IGDCC3: variants seen among roughly 807,000 people sequenced by gnomAD.
IGDCC3 encodes the protein putative neuronal cell adhesion molecule.
A neutral mutation model predicts 72.0 loss-of-function variants in IGDCC3; 47 were observed. The ratio of observed to expected loss-of-function variants is 0.65; its 90% CI spans 0.52 to 0.83. The LOEUF is 0.83. IGDCC3 is among the 40% of genes least tolerant of loss of function. IGDCC3 has a pLI of 0.00. For synonymous variants in IGDCC3, 477 were observed against 472.8 expected (o/e 1.01, Z -0.11); for missense variants, 1,038 against 1,091.3 (o/e 0.95, Z 0.69).
intron 2 of IGDCC3, among the ~76,000 whole-genome samples, chr15:65,337,887 G>C (rs2091045398): frequency 6.6e-6 from 1 of 152,206 alleles, no homozygotes; most frequent in African/African-American, 2.4e-5. Context: ...GGGACTAATG[G>C]CTCTGCTGAC....
At chr15:65,332,977 G>A (rs2090991503) in intron 6 of IGDCC3, among the ~76,000 whole-genome samples, 1 of 151,512 alleles carries the variant, frequency 6.6e-6, no homozygotes, top group African/African-American at 2.4e-5. Context: ...CAGCTGAGAT[G>A]AGAAAGTGGA....
intron 9 of IGDCC3, 139 bp downstream of exon 9, chr15:65,330,911 C>A: frequency 8.8e-7 from 1 of 1,139,808 alleles, no homozygotes; most frequent in East Asian, 2.5e-5. Context: ...GAAGCCCTTT[C>A]CTCCAAGTAG....
intron 2 of IGDCC3, among the ~76,000 whole-genome samples, chr15:65,346,947 C>G (rs1378083679): frequency 6.6e-6 from 1 of 152,154 alleles, no homozygotes; most frequent in African/African-American, 2.4e-5. Flanking sequence ...GGGTCAGGGG[C>G]TGGGAGATGA....
chr15:65,346,656 A>G (rs1055407497), intron 2 of IGDCC3, among the ~76,000 whole-genome samples: 3 of 152,198 alleles, frequency 2.0e-5, no homozygotes, highest in African/African-American at 7.2e-5. Context: ...ACAGGGTCTC[A>G]CCATGTTGGC....
intron 2 of IGDCC3, among the ~76,000 whole-genome samples, chr15:65,365,907 C>CA (rs967199365): frequency 7.9e-5 from 12 of 152,022 alleles, no homozygotes; most frequent in African/African-American, 2.9e-4. Context: ...CTCATCTCTA[C>CA]AAAAAATTTT....
chr15:65,345,592 A>C (rs1006454091), intron 2 of IGDCC3, among the ~76,000 whole-genome samples: 6 of 150,670 alleles, frequency 4.0e-5, no homozygotes, highest in Admixed American at 1.3e-4. Context: ...ACACACACGC[A>C]TGCACACACA....
At chr15:65,365,308 T>C (rs1039140734) in intron 2 of IGDCC3, among the ~76,000 whole-genome samples, 1 of 152,052 alleles carries the variant, frequency 6.6e-6, no homozygotes, top group Non-Finnish European at 1.5e-5. Flanking sequence ...GGTGGTCTGG[T>C]CTCCATCTTC....
chr15:65,377,697 G>C lies in IGDCC3; in HGVS notation c.92C>G (p.Ala31Gly), dbSNP rs757868496. ...LLPLLLLLLP[A>G]PSEGLGHSAE... ...GCGCTTTCACTCACCCTCGCTCGGC[G>C]CGGGCAGCAGCAGCAACAGCAGCGG... The change falls in exon 1 of 14, where the codon GCG becomes GGG. Residue 31 changes from alanine (A) to glycine (G), a missense_variant. Physicochemically the swap from Ala to Gly is moderately conservative, Grantham distance 60. Coordinates refer to ENST00000327987, the MANE Select transcript of IGDCC3 (RefSeq NM_004884.4). This position sits in a 1 kb window ranked among gnomAD's most constrained non-coding sequence, Gnocchi z 4.9. 4 of 1,417,056 alleles carry C rather than the reference G, an allele frequency of 2.8e-6. No individual in the cohort carries two copies. The highest frequency in any genetic ancestry group is 3.7e-6 in the Non-Finnish European group (4 of 1,089,314). 87.8% of individuals were successfully genotyped at this position (1,417,056 alleles called of 1,614,324 possible). A position where few individuals can be genotyped will look rare whatever the true frequency, so the allele number is the denominator to read the frequency against.
chr15:65,370,620 G>GTATGTATATATA, intron 2 of IGDCC3, among the ~76,000 whole-genome samples: 1 of 94,578 alleles, frequency 1.1e-5, no homozygotes, highest in East Asian at 2.9e-4. Context: ...ATATGTATGT[G>GTATGTATATATA]TATATATATA....
chr15:65,335,239 G>T (rs1177075155), intron 4 of IGDCC3, 52 bp downstream of exon 4: 2 of 1,564,332 alleles, frequency 1.3e-6, no homozygotes, highest in East Asian at 2.2e-5. Context: ...AGGGTAGGGA[G>T]GAGGAGGAGG....
rs768491748 is a variant in IGDCC3, at chr15:65,329,434, A to T, written c.2161T>A (p.Phe721Ile). 1 of 1,606,376 alleles carries T rather than the reference A, an allele frequency of 6.2e-7. No homozygotes were observed. The highest frequency in any genetic ancestry group is 1.3e-5 in the African/African-American group (1 of 74,424). Residue 721 changes from phenylalanine (F) to isoleucine (I), a missense_variant, in exon 13 of 14, where the codon TTC becomes ATC. Physicochemically the swap from Phe to Ile is conservative, Grantham distance 21. Coordinates refer to ENST00000327987, the MANE Select transcript of IGDCC3 (RefSeq NM_004884.4). This position sits in a 1 kb window ranked among gnomAD's most constrained non-coding sequence, Gnocchi z 4.1. The stretch of plus-strand genomic sequence containing the variant: ...TGCCCTGCTGCGCTGGCCGGGGGGA[A>T]CAGCTGCTCCAGCTCCTTCATATCC... ...RVDMKELEQL[F>I]PPASAAGQPD... is the part of the protein sequence containing the mutation.
In IGDCC3 at chr15:65,334,819, A is replaced by G. The variant is rs1264592299; in HGVS notation, c.732T>C (p.Pro244=). ...GGTGCACTGTCAGGGTGAGGTTCTC[A>G]GGCCCCACGAGGATGGCTGGCTCCT... ...AYKEPAILVG[P]ENLTLTVHQT... Residue 244 remains proline, a synonymous_variant, in exon 5 of 14, where the codon CCT becomes CCC. Transcript: ENST00000327987. 1.2e-6 allele frequency: 2 copies of G among 1,612,888 alleles called. No individual in the cohort carries two copies. The highest frequency in any genetic ancestry group is 2.7e-5 in the African/African-American group (2 of 74,996).
rs752788895 is a variant in IGDCC3, at chr15:65,329,687, A to G, written c.1997+39T>C. 1.9e-6 allele frequency: 3 copies of G among 1,613,360 alleles called. No individual in the cohort carries two copies. In the East Asian group the frequency reaches 6.7e-5, roughly 36 times the overall value. ...TCACCTTCTCTAGGCCTAGTCCCCC[A>G]CACACCAGCCCAGCCCCTCTCCCTG... is the stretch of plus-strand genomic sequence containing the variant. On this transcript the variant is annotated intron_variant, in intron 12 of 13. Coordinates refer to ENST00000327987, the MANE Select transcript of IGDCC3 (RefSeq NM_004884.4). The surrounding 1 kb of genome is among the most constrained non-coding windows in gnomAD (Gnocchi z 4.1).
rs114997653 is a variant in IGDCC3 at position 65,336,282 on chromosome 15, C to T, written c.410-326G>A. Among the ~76,000 whole-genome samples the T allele has an allele frequency of 2.8e-3, 423 of 152,266 alleles. 3 individuals are homozygous for T. The highest frequency in any genetic ancestry group is 9.6e-3 in the African/African-American group (401 of 41,556). On this transcript the variant is annotated intron_variant, in intron 2 of 13. Coordinates refer to ENST00000327987, the MANE Select transcript of IGDCC3 (RefSeq NM_004884.4). Reference sequence around the variant, plus strand: ...GGAGGCCTTGGTCCCCAAAACTGACCCATGAAGGCCAATCAGACAAAGCCC... The same window carrying T: ...GGAGGCCTTGGTCCCCAAAACTGACTCATGAAGGCCAATCAGACAAAGCCC...
At chr15:65,342,694 T>G (rs1183989032) in intron 2 of IGDCC3, among the ~76,000 whole-genome samples, 1 of 151,734 alleles carries the variant, frequency 6.6e-6, no homozygotes, top group East Asian at 1.9e-4. Flanking sequence ...TTGCCTGCAC[T>G]CCCCCCTCTT....
rs1217002281 is a variant in IGDCC3 at position 65,377,696 on chromosome 15, C to T, written c.93G>A (p.Ala31=). Residue 31 remains alanine (A), a synonymous_variant, in exon 1 of 14, where the codon GCG becomes GCA. Transcript: ENST00000327987. This position sits in a 1 kb window ranked among gnomAD's most constrained non-coding sequence, Gnocchi z 4.9. ...LLPLLLLLLP[A]PSEGLGHSAE... is the part of the protein sequence containing the mutation. ...GGCGCTTTCACTCACCCTCGCTCGG[C>T]GCGGGCAGCAGCAGCAACAGCAGCG... is the stretch of plus-strand genomic sequence containing the variant. 3.5e-6 allele frequency: 5 copies of T among 1,420,450 alleles called. No homozygotes were observed. Among genetic ancestry groups the T allele is most frequent in the Non-Finnish European group, 3.7e-6 (4 of 1,091,118 alleles). 88.0% of individuals were successfully genotyped at this position (1,420,450 alleles called of 1,614,324 possible). A position where few individuals can be genotyped will look rare whatever the true frequency, so the allele number is the denominator to read the frequency against.
rs1407471147 is a variant in IGDCC3 at position 65,329,390 on chromosome 15, T to C, written c.2205A>G (p.Thr735=). 6 of 1,583,476 alleles carry C rather than the reference T, an allele frequency of 3.8e-6. No homozygotes were observed. Among genetic ancestry groups the C allele is most frequent in the Admixed American group, 3.9e-5 (2 of 51,786 alleles). Reference sequence around the variant, plus strand: ...GTTTGTTTAAGACATGGGCACTCACTGTGGGTCTGGGGTCCGGCTGCCCTG... The same window carrying C: ...GTTTGTTTAAGACATGGGCACTCACCGTGGGTCTGGGGTCCGGCTGCCCTG... The part of the protein sequence containing the change: ...SAAGQPDPRP[T]QDPAAPAPCE... Residue 735 remains threonine (T), a splice_region_variant and synonymous_variant, in exon 13 of 14, where the codon ACA becomes ACG. Transcript: ENST00000327987. The surrounding 1 kb of genome is among the most constrained non-coding windows in gnomAD (Gnocchi z 4.1).
chr15:65,331,430 G>A lies in IGDCC3; in HGVS notation c.1378C>T (p.His460Tyr). ...CGCGCACCAGCAGCCTTCCTGATGTGCAGGACGTAGCCGATGATCTCCTTG... is the reference window on the plus strand; with the variant it reads ...CGCGCACCAGCAGCCTTCCTGATGTACAGGACGTAGCCGATGATCTCCTTG... ...NTKEIIGYVL[H>Y]IRKAADPPEL... Residue 460 changes from histidine (H) to tyrosine (Y), a missense_variant, in exon 8 of 14, where the codon CAC (histidine) becomes TAC (tyrosine). Physicochemically the swap from His to Tyr is moderately conservative, Grantham distance 83 (BLOSUM62 2). Transcript: ENST00000327987. 1.2e-6 allele frequency: 2 copies of A among 1,608,532 alleles called. No homozygotes were observed. Among genetic ancestry groups the A allele is most frequent in the Non-Finnish European group, 1.7e-6 (2 of 1,176,740 alleles).
At chr15:65,365,285 C>A (rs2091283127) in intron 2 of IGDCC3, among the ~76,000 whole-genome samples, 1 of 151,994 alleles carries the variant, frequency 6.6e-6, no homozygotes, top group Non-Finnish European at 1.5e-5. Context: ...TGGTCTGTCC[C>A]CTCCTCCATT....
Sources: gnomAD v4.1 joint callset for allele counts (sites outside exome capture counted in the v4.1 genomes callset) on GRCh38, gnomAD v4.1.1 for gene constraint, Gnocchi (gnomAD v3.1) non-coding constraint, MANE v1.5 for transcripts, NCBI Gene and HGNC (gene_info 2026-07-23, HGNC 2026-07-21) for gene names.